OSBPL1A: variants seen among roughly 807,000 people sequenced by gnomAD.
OSBPL1A encodes oxysterol binding protein like 1A.
In OSBPL1A, 80 loss-of-function variants were observed where a neutral mutation model predicts 137.1. The observed-to-expected ratio is 0.58, with a 90% CI of 0.49 to 0.70. The LOEUF (loss-of-function observed/expected upper bound fraction) is 0.70. Ranked by LOEUF, OSBPL1A falls within the 30% of genes least tolerant of loss-of-function variation. The probability of loss-of-function intolerance (pLI) is 0.00; values close to 1 mark genes in which losing one functional copy is unlikely to be tolerated. For synonymous variants in OSBPL1A, 365 were observed against 389.7 expected (o/e 0.94, Z 0.75); for missense variants, 970 against 1,129.4 (o/e 0.86, Z 2.02).
At chr18:24,319,705 C>A (rs907336433) in intron 7 of OSBPL1A, among the ~76,000 whole-genome samples, 12 of 152,120 alleles carry the variant, frequency 7.9e-5, no homozygotes, top group Non-Finnish European at 1.8e-4. Context: ...CAAAAACCCA[C>A]AAATAAATCA....
chr18:24,178,226 A>G, intron 20 of OSBPL1A, 31 bp from the exon 21 acceptor site: 2 of 1,493,112 alleles, frequency 1.3e-6, no homozygotes, highest in East Asian at 2.3e-5. Flanking sequence ...AAAAAGAAAA[A>G]AAAAAGCAAC....
intron 1 of OSBPL1A, among the ~76,000 whole-genome samples, chr18:24,397,062 T>G (rs1194981210): frequency 6.6e-6 from 1 of 152,190 alleles, no homozygotes; most frequent in Non-Finnish European, 1.5e-5. Context: ...AACTGAAAAC[T>G]AATACTAAAT....
intron 14 of OSBPL1A, among the ~76,000 whole-genome samples, chr18:24,288,188 T>C (rs2090103787): frequency 6.6e-6 from 1 of 152,040 alleles, no homozygotes; most frequent in Admixed American, 6.5e-5. Flanking sequence ...ATGTAAAAGA[T>C]GAGAAAAAGC....
chr18:24,312,904 G>C (rs1396280140), intron 12 of OSBPL1A, among the ~76,000 whole-genome samples: 3 of 152,142 alleles, frequency 2.0e-5, no homozygotes, highest in Non-Finnish European at 4.4e-5. Context: ...GGGAGGGCAA[G>C]GTGGGCGGAT....
At chr18:24,224,757 T>C (rs966482201) in intron 17 of OSBPL1A, among the ~76,000 whole-genome samples, 1 of 152,248 alleles carries the variant, frequency 6.6e-6, no homozygotes, top group Non-Finnish European at 1.5e-5. Flanking sequence ...GGATCAGTTT[T>C]AACAGGTAGT....
chr18:24,326,103 C>G (rs1303955583), intron 7 of OSBPL1A, among the ~76,000 whole-genome samples: 1 of 151,696 alleles, frequency 6.6e-6, no homozygotes, highest in African/African-American at 2.4e-5. Flanking sequence ...CATTTTCACT[C>G]TAGAAAAAAA....
chr18:24,274,123 A>C (rs768225975), intron 15 of OSBPL1A, among the ~76,000 whole-genome samples: 1 of 151,414 alleles, frequency 6.6e-6, no homozygotes, highest in African/African-American at 2.4e-5. Flanking sequence ...AATCCCAGCT[A>C]CTCAGGAGGC....
rs1567920074 is a variant in OSBPL1A, at chr18:24,175,115, T to TATATATATATATAC, written c.2094-2633_2094-2632insGTATATATATATAT. On this transcript the variant is annotated intron_variant, in intron 21 of 27. Coordinates refer to ENST00000319481, the MANE Select transcript of OSBPL1A (RefSeq NM_080597.4). ...CTTATTTGCCATGTGTATGTATATATATATATATATATATATATATACACA... is the reference window on the plus strand; with the variant it reads ...CTTATTTGCCATGTGTATGTATATATATATATATATATACATATATATATATATATATATACACA... 3.6e-3 allele frequency among the ~76,000 whole-genome samples: 104 copies of TATATATATATATAC among 29,178 alleles called. 2 individuals carry two copies. Among genetic ancestry groups the TATATATATATATAC allele is most frequent in the Admixed American group, 8.4e-3 (19 of 2,262 alleles). The allele number at this position is 29,178 out of a possible 152,430, so 19.1% of individuals were successfully genotyped here.
intron 19 of OSBPL1A, among the ~76,000 whole-genome samples, chr18:24,180,756 A>C (rs993558687): frequency 6.6e-6 from 1 of 152,052 alleles, no homozygotes; most frequent in Non-Finnish European, 1.5e-5. Flanking sequence ...GGGTGCCTGT[A>C]GTCCCAGCTA....
chr18:24,346,188 C>T (rs1056999266), intron 4 of OSBPL1A, among the ~76,000 whole-genome samples: 1 of 152,172 alleles, frequency 6.6e-6, no homozygotes, highest in Non-Finnish European at 1.5e-5. Context: ...CCACTTTCCG[C>T]TCAGCAGTCA....
intron 16 of OSBPL1A, among the ~76,000 whole-genome samples, chr18:24,230,002 G>A (rs1482570803): frequency 3.3e-5 from 5 of 152,194 alleles, no homozygotes; most frequent in South Asian, 4.2e-4. Flanking sequence ...CGCCCACCTC[G>A]GCCTCCCAAA....
chr18:24,262,633 A>G (rs992463311), intron 15 of OSBPL1A, among the ~76,000 whole-genome samples: 11 of 152,242 alleles, frequency 7.2e-5, no homozygotes, highest in African/African-American at 2.2e-4. Context: ...TGTATGATTC[A>G]GTAAGCTTTT....
intron 11 of OSBPL1A, among the ~76,000 whole-genome samples, chr18:24,315,654 A>C (rs2090708141): frequency 7.8e-6 from 1 of 127,580 alleles, no homozygotes; most frequent in South Asian, 2.2e-4. Context: ...TAAAATATAA[A>C]ATTATAATAT....
At chr18:24,291,757 C>A (rs2090176374) in intron 14 of OSBPL1A, among the ~76,000 whole-genome samples, 1 of 123,416 alleles carries the variant, frequency 8.1e-6, no homozygotes, top group African/African-American at 3.4e-5. Flanking sequence ...CAAAAGGGGA[C>A]TTGGGGGACA....
At chr18:24,256,058 G>T (rs1478281456) in intron 15 of OSBPL1A, among the ~76,000 whole-genome samples, 2 of 152,154 alleles carry the variant, frequency 1.3e-5, no homozygotes, top group African/African-American at 4.8e-5. Flanking sequence ...GCCTCCCAAA[G>T]TGCTGAGATT....
chr18:24,198,950 C>T (rs568378493), intron 17 of OSBPL1A, among the ~76,000 whole-genome samples: 28 of 151,796 alleles, frequency 1.8e-4, no homozygotes, highest in Admixed American at 8.5e-4. Flanking sequence ...CTCCACCTCC[C>T]GGGTTCAAAC....
chr18:24,259,873 C>A (rs562379147), intron 15 of OSBPL1A, among the ~76,000 whole-genome samples: 1 of 152,122 alleles, frequency 6.6e-6, no homozygotes, highest in African/African-American at 2.4e-5. Context: ...GGAACACTAT[C>A]AACAAAGTAA....
intron 17 of OSBPL1A, among the ~76,000 whole-genome samples, chr18:24,198,099 C>T (rs925097717): frequency 1.3e-5 from 2 of 152,092 alleles, no homozygotes; most frequent in Non-Finnish European, 2.9e-5. Context: ...AATTTTCCTT[C>T]TACTGTCTTG....
chr18:24,267,864 C>A (rs2089621073), intron 15 of OSBPL1A, among the ~76,000 whole-genome samples: 2 of 143,534 alleles, frequency 1.4e-5, no homozygotes, highest in African/African-American at 2.6e-5. Flanking sequence ...TTTTTTAAAT[C>A]AGGGATGAAC....
Sources: allele counts gnomAD v4.1 joint callset (sites outside exome capture counted in the v4.1 genomes callset), GRCh38; gene constraint gnomAD v4.1.1; transcripts MANE v1.5; gene names NCBI Gene and HGNC (gene_info 2026-07-23, HGNC 2026-07-21).